GPD2: variants seen among roughly 807,000 people sequenced by gnomAD.
GPD2 encodes the protein glycerol-3-phosphate dehydrogenase 2, also known as glycerol-3-phosphate dehydrogenase, mitochondrial.
GPD2 carries 54 observed loss-of-function variants against 82.4 expected under a neutral mutation model. The ratio of observed to expected loss-of-function variants is 0.66; its 90% CI spans 0.53 to 0.82. The LOEUF is 0.82. Among genes scored for constraint, GPD2 ranks in the 40% least tolerant of loss-of-function variants. The pLI, the probability that GPD2 is intolerant of heterozygous loss-of-function variation, is 0.00. For missense variants in GPD2, 748 were observed against 896.2 expected, an observed-to-expected ratio of 0.83 and a Z score of 2.11; for synonymous variants, 288 against 306.1, an observed-to-expected ratio of 0.94 and a Z score of 0.62.
intron 9 of GPD2, among the ~76,000 whole-genome samples, chr2:156,558,765 CTTTTTTTTTTTTT>C (rs34524248): frequency 0.024 from 981 of 40,954 alleles, 15 homozygotes; most frequent in Middle Eastern, 0.033. Context: ...GCCCAGCTAA[CTTTTTTTTTTTTT>C]TTTTTTTTTT....
At chr2:156,480,888 C>T (rs928598895) in intron 2 of GPD2, among the ~76,000 whole-genome samples, 5 of 151,382 alleles carry the variant, frequency 3.3e-5, no homozygotes, top group Middle Eastern at 3.4e-3. Context: ...AAGCGATTCT[C>T]CTGCCTCAGC....
chr2:156,474,387 A>G (rs1048562028), intron 1 of GPD2, among the ~76,000 whole-genome samples: 1 of 152,118 alleles, frequency 6.6e-6, no homozygotes, highest in African/African-American at 2.4e-5. Flanking sequence ...TTATGTTGAG[A>G]TACTGTTTTT....
chr2:156,563,893 GA>G (rs1243744671), intron 9 of GPD2, among the ~76,000 whole-genome samples: 1 of 152,104 alleles, frequency 6.6e-6, no homozygotes, highest in Non-Finnish European at 1.5e-5. Context: ...ACTGAAATTT[GA>G]AATTCAGTTG....
chr2:156,401,230 TG>T, the GPD2 span, among the ~76,000 whole-genome samples: 1 of 152,214 alleles, frequency 6.6e-6, no homozygotes. Flanking sequence ...ATAGCAAATG[TG>T]CTTTTCTATT....
chr2:156,439,848 A>AT (rs1400935820), intron 1 of GPD2, among the ~76,000 whole-genome samples: 2 of 124,812 alleles, frequency 1.6e-5, no homozygotes, highest in South Asian at 3.0e-4. Flanking sequence ...ATCTGTCTCA[A>AT]AAAATAAATA....
chr2:156,457,226 T>C (rs955013859), intron 1 of GPD2, among the ~76,000 whole-genome samples: 4 of 152,186 alleles, frequency 2.6e-5, no homozygotes, highest in Non-Finnish European at 2.9e-5. Context: ...GAAGTACTAT[T>C]CTAAATAGAG....
chr2:156,478,870 C>T (rs1298916925), intron 2 of GPD2, among the ~76,000 whole-genome samples: 1 of 152,096 alleles, frequency 6.6e-6, no homozygotes, highest in East Asian at 1.9e-4. Flanking sequence ...GATAAACTGC[C>T]GTTTATTAAG....
chr2:156,557,763 T>C (rs542450356), intron 9 of GPD2, among the ~76,000 whole-genome samples, 181 bp downstream of exon 9: 9 of 152,354 alleles, frequency 5.9e-5, no homozygotes, highest in African/African-American at 1.9e-4. Flanking sequence ...CCTTTTCTCC[T>C]CTACTTTCTA....
At chr2:156,558,167 G>GT (rs1386249747) in intron 9 of GPD2, among the ~76,000 whole-genome samples, 2 of 151,920 alleles carry the variant, frequency 1.3e-5, no homozygotes, top group Non-Finnish European at 2.9e-5. Context: ...ATAGTTTTTT[G>GT]TTTTTTTCAT....
At chr2:156,478,775 G>A (rs1298295830) in intron 2 of GPD2, among the ~76,000 whole-genome samples, 1 of 152,192 alleles carries the variant, frequency 6.6e-6, no homozygotes, top group East Asian at 1.9e-4. Context: ...TTTCTGCAGA[G>A]TGATGTTTAA....
chr2:156,469,821 G>C (rs1683268169), intron 1 of GPD2, among the ~76,000 whole-genome samples: 1 of 152,168 alleles, frequency 6.6e-6, no homozygotes, highest in Non-Finnish European at 1.5e-5. Flanking sequence ...AGAGCATGGG[G>C]ATTAGAAAGG....
intron 13 of GPD2, among the ~76,000 whole-genome samples, chr2:156,575,623 C>T (rs1207398244): frequency 6.6e-6 from 1 of 151,848 alleles, no homozygotes; most frequent in Admixed American, 6.6e-5. Flanking sequence ...CCGGGCTGGT[C>T]TCAAACTCCC....
intron 1 of GPD2, among the ~76,000 whole-genome samples, chr2:156,461,676 A>C (rs1046327018): frequency 2.0e-5 from 3 of 152,226 alleles, no homozygotes; most frequent in Admixed American, 6.5e-5. Context: ...CATCATGTCC[A>C]GCCTACCCCA....
At chr2:156,557,016 C>A (rs547571817) in intron 8 of GPD2, among the ~76,000 whole-genome samples, 8 of 152,170 alleles carry the variant, frequency 5.3e-5, no homozygotes, top group Non-Finnish European at 1.0e-4. Flanking sequence ...CCTTAATTTA[C>A]CATTATAAAG....
chr2:156,485,095 CCTT>C lies in GPD2; in HGVS notation c.102+8898_102+8900del, dbSNP rs950730206. 3.3e-5 allele frequency among the ~76,000 whole-genome samples: 5 copies of C among 152,194 alleles called. No homozygotes were observed. In the South Asian group the frequency reaches 8.3e-4, roughly 25 times the overall value. ...CATGTTGTCAGCAATGTCAGGACTTCCTTCTTCTTCTTTAAGGCTGAATAATAT... is the reference window on the plus strand; with the variant it reads ...CATGTTGTCAGCAATGTCAGGACTTCCTTCTTCTTTAAGGCTGAATAATAT... On this transcript the variant is annotated intron_variant, in intron 2 of 16. Transcript: ENST00000438166.
chr2:156,551,652 G>T (rs1425641124), intron 8 of GPD2, among the ~76,000 whole-genome samples: 1 of 152,056 alleles, frequency 6.6e-6, no homozygotes, highest in Non-Finnish European at 1.5e-5. Flanking sequence ...TCACCTTAGG[G>T]TAATAGATAA....
At chr2:156,401,451 T>G in the GPD2 span, among the ~76,000 whole-genome samples, 1 of 152,256 alleles carries the variant, frequency 6.6e-6, no homozygotes. Flanking sequence ...ATGAAGATTT[T>G]GTCATGTATG....
chr2:156,564,222 C>G (rs1404166995), intron 9 of GPD2, among the ~76,000 whole-genome samples: 1 of 152,084 alleles, frequency 6.6e-6, no homozygotes, highest in African/African-American at 2.4e-5. Flanking sequence ...ATATATTACT[C>G]TTATTTATCT....
At chr2:156,541,789 T>A (rs1686321100) in intron 6 of GPD2, among the ~76,000 whole-genome samples, 1 of 151,466 alleles carries the variant, frequency 6.6e-6, no homozygotes, top group African/African-American at 2.4e-5. Flanking sequence ...TGCTCCCTTT[T>A]CCTTTTTCTT....
Sources: gnomAD v4.1 joint callset for allele counts (sites outside exome capture counted in the v4.1 genomes callset) on GRCh38, gnomAD v4.1.1 for gene constraint, MANE v1.5 for transcripts, NCBI Gene and HGNC (gene_info 2026-07-23, HGNC 2026-07-21) for gene names.